Variants in DOCK1 observed in about 807,000 individuals in gnomAD.
DOCK1 encodes dedicator of cytokinesis 1.
In DOCK1, 138 loss-of-function variants were observed where a neutral mutation model predicts 262.7. The ratio of observed to expected loss-of-function variants is 0.53; its 90% CI spans 0.46 to 0.61. The LOEUF is 0.61. Ranked by LOEUF, DOCK1 falls within the 20% of genes least tolerant of loss-of-function variation. The pLI is 0.00. For synonymous variants in DOCK1, 866 were observed against 867.4 expected (o/e 1.00, Z 0.03); for missense variants, 1,908 against 2,370.7 (o/e 0.80, Z 4.05).
intron 23 of DOCK1, among the ~76,000 whole-genome samples, chr10:127,099,357 C>T (rs764261169): frequency 1.3e-5 from 2 of 152,142 alleles, no homozygotes; most frequent in Non-Finnish European, 2.9e-5. Context: ...AATTGACCTT[C>T]CATTGCAGTC....
chr10:126,965,268 T>A (rs1365242376), intron 1 of DOCK1, among the ~76,000 whole-genome samples: 1 of 151,984 alleles, frequency 6.6e-6, no homozygotes, highest in African/African-American at 2.4e-5. Context: ...AGTGGGGCAG[T>A]CGGAGGCGGA....
intron 38 of DOCK1, among the ~76,000 whole-genome samples, chr10:127,387,003 T>C (rs2066161933): frequency 6.6e-6 from 1 of 151,510 alleles, no homozygotes; most frequent in Non-Finnish European, 1.5e-5. Context: ...AGTGGCTTCT[T>C]GGCTCCAGGG....
intron 27 of DOCK1, among the ~76,000 whole-genome samples, chr10:127,234,763 T>C (rs945952992): frequency 6.6e-6 from 1 of 151,946 alleles, no homozygotes; most frequent in Non-Finnish European, 1.5e-5. Context: ...ATTTGAAAGC[T>C]ACAATAAAGT....
At chr10:127,440,433 C>T (rs975705119) in intron 49 of DOCK1, among the ~76,000 whole-genome samples, 6 of 152,118 alleles carry the variant, frequency 3.9e-5, no homozygotes, top group African/African-American at 1.4e-4. Flanking sequence ...TCCAAAAGTG[C>T]TAGCTGTAGT....
chr10:126,978,073 AG>A, intron 3 of DOCK1, 85 bp downstream of exon 3: 1 of 1,333,456 alleles, frequency 7.5e-7, no homozygotes, highest in East Asian at 2.3e-5. Flanking sequence ...TTTGTGTCTG[AG>A]GGTTTTACTT....
At position 127,187,477 on chromosome 10, in the gene DOCK1, T is replaced by G. The variant is rs141542096; in HGVS notation, c.2847+59713T>G. 2.8e-4 allele frequency among the ~76,000 whole-genome samples: 42 copies of G among 152,334 alleles called. No homozygotes were observed. The East Asian group carries it at 7.1e-3, about 26-fold the overall frequency. On this transcript the variant is annotated intron_variant, in intron 27 of 51. Transcript: ENST00000623213. ...TGTATGCTTTCGCCTTCTTGAAGCT[T>G]TGGAGGAGAGCATAGGTGTGGATGA...
intron 38 of DOCK1, among the ~76,000 whole-genome samples, chr10:127,397,348 CTA>C (rs2066942583): frequency 6.6e-6 from 1 of 150,708 alleles, no homozygotes. Flanking sequence ...GCGGTGTCTC[CTA>C]TGTGATCTGA....
intron 47 of DOCK1, among the ~76,000 whole-genome samples, chr10:127,429,017 G>A (rs1170169214): frequency 7.3e-6 from 1 of 136,392 alleles, no homozygotes; most frequent in Non-Finnish European, 1.6e-5. Flanking sequence ...CGTGTGGATT[G>A]GGGTGCCGTG....
At chr10:127,246,234 C>G (rs775292195) in intron 27 of DOCK1, among the ~76,000 whole-genome samples, 1 of 152,172 alleles carries the variant, frequency 6.6e-6, no homozygotes, top group Non-Finnish European at 1.5e-5. Context: ...TCTTATAGTC[C>G]TAGAGTACAG....
At chr10:127,284,001 A>T (rs186002874) in intron 29 of DOCK1, among the ~76,000 whole-genome samples, 37 of 152,372 alleles carry the variant, frequency 2.4e-4, no homozygotes, top group Non-Finnish European at 4.7e-4. Context: ...TCTTTTAAAA[A>T]AATTGTTAAT....
intron 27 of DOCK1, among the ~76,000 whole-genome samples, chr10:127,227,198 G>A (rs2134508335): frequency 6.6e-6 from 1 of 152,308 alleles, no homozygotes; most frequent in African/African-American, 2.4e-5. Context: ...CCTGCCTGTA[G>A]TCTTCGGCCT....
chr10:127,103,358 A>G (rs1023648903), intron 23 of DOCK1, among the ~76,000 whole-genome samples: 1 of 152,186 alleles, frequency 6.6e-6, no homozygotes, highest in Non-Finnish European at 1.5e-5. Flanking sequence ...AAAACAGGAG[A>G]AGGAGGAAAC....
chr10:127,380,687 T>G (rs1394021216), intron 36 of DOCK1, among the ~76,000 whole-genome samples: 1 of 152,182 alleles, frequency 6.6e-6, no homozygotes, highest in Non-Finnish European at 1.5e-5. Flanking sequence ...TAAAGTCTCG[T>G]GTCAAATAAT....
At chr10:127,063,190 C>T (rs1042302413) in intron 23 of DOCK1, among the ~76,000 whole-genome samples, 4 of 152,192 alleles carry the variant, frequency 2.6e-5, no homozygotes, top group South Asian at 4.1e-4. Flanking sequence ...TCATGGTAGA[C>T]GCCTCTGTTC....
chr10:127,033,246 A>G (rs56224012), intron 18 of DOCK1, among the ~76,000 whole-genome samples: 26,254 of 152,070 alleles, frequency 0.17, 2,763 homozygotes, highest in East Asian at 0.28. Context: ...CTGTGGGATA[A>G]GGCACCCCCT....
At position 127,175,098 on chromosome 10, in the gene DOCK1, C is replaced by G. The variant is rs1009075486; in HGVS notation, c.2847+47334C>G. ...GCTCGCCACGCCCTTAGACTATGAC[C>G]TGTTTACGGAAATGCTGGCTTTAGT... On this transcript the variant is annotated intron_variant, in intron 27 of 51. Coordinates refer to ENST00000623213, the MANE Select transcript of DOCK1 (RefSeq NM_001290223.2). This position sits in a 1 kb window ranked among gnomAD's most constrained non-coding sequence, Gnocchi z 6.3. 2 of 908,896 alleles carry G rather than the reference C, an allele frequency of 2.2e-6. No homozygotes were observed. The highest frequency in any genetic ancestry group is 1.7e-6 in the Non-Finnish European group (1 of 578,978). 56.3% of individuals were successfully genotyped at this position (908,896 alleles called of 1,614,324 possible).
chr10:127,047,885 A>G (rs957373782), intron 21 of DOCK1, among the ~76,000 whole-genome samples: 1 of 152,198 alleles, frequency 6.6e-6, no homozygotes, highest in African/African-American at 2.4e-5. Context: ...TATTGTATGA[A>G]TATTTCATGA....
intron 16 of DOCK1, among the ~76,000 whole-genome samples, chr10:127,030,255 C>T (rs1467497099): frequency 2.0e-5 from 3 of 152,178 alleles, no homozygotes; most frequent in Admixed American, 2.0e-4. Context: ...TAGTTTCCAG[C>T]TCTGGTCCTC....
At chr10:127,253,639 C>G (rs115416276) in intron 28 of DOCK1, among the ~76,000 whole-genome samples, 1,526 of 151,960 alleles carry the variant, frequency 0.01, 37 homozygotes, top group African/African-American at 0.035. Context: ...TTTGGGAGGT[C>G]GAAGCAGAAA....
Sources: gnomAD v4.1 joint callset for allele counts (sites outside exome capture counted in the v4.1 genomes callset) on GRCh38, gnomAD v4.1.1 for gene constraint, Gnocchi (gnomAD v3.1) non-coding constraint, MANE v1.5 for transcripts, NCBI Gene and HGNC (gene_info 2026-07-23, HGNC 2026-07-21) for gene names.